Variants in NCOR1 observed in about 807,000 individuals in gnomAD.
NCOR1 encodes protein phosphatase 1, regulatory subunit 109.
In NCOR1, 63 loss-of-function variants were observed where a neutral mutation model predicts 288.1. That is an observed-to-expected ratio of 0.22 (90% CI 0.18 to 0.27). The LOEUF (loss-of-function observed/expected upper bound fraction) is 0.27. NCOR1 is among the 10% of genes least tolerant of loss of function. The pLI is 1.00. For synonymous variants in NCOR1, 1,007 were observed against 1,065.9 expected (o/e 0.94, Z 1.08); for missense variants, 2,397 against 3,019.2 (o/e 0.79, Z 4.83).
At chr17:16,147,684 C>G (rs1404556059) in intron 9 of NCOR1, among the ~76,000 whole-genome samples, 1 of 152,190 alleles carries the variant, frequency 6.6e-6, no homozygotes. Context: ...TCCCACTTCT[C>G]AATTACTCCT....
Position 16,143,713 on chromosome 17 carries a change from A to C in NCOR1, c.1083-17T>G. ...TGCCCAACTCTAAACATGAGGGAGA[A>C]ATTAAAAATATATTTAAAGACCTTA... On this transcript the variant is annotated splice_polypyrimidine_tract_variant and intron_variant, in intron 10 of 45. Coordinates refer to ENST00000268712, the MANE Select transcript of NCOR1 (RefSeq NM_006311.4). 1 of 1,573,868 alleles carries C rather than the reference A, an allele frequency of 6.4e-7. No individual in the cohort carries two copies. The highest frequency in any genetic ancestry group is 8.7e-7 in the Non-Finnish European group (1 of 1,148,822).
intron 1 of NCOR1, among the ~76,000 whole-genome samples, chr17:16,201,060 G>GA (rs544904984): frequency 5.3e-4 from 81 of 151,810 alleles, no homozygotes; most frequent in Non-Finnish European, 1.1e-3. Context: ...CCTTTGGGGG[G>GA]AAAAAAAAGC....
intron 17 of NCOR1, 75 bp from the exon 18 acceptor site, chr17:16,118,102 C>T (rs952141998): frequency 5.5e-6 from 8 of 1,462,468 alleles, no homozygotes; most frequent in Admixed American, 3.9e-5. Context: ...AATAAATTAA[C>T]TTAATCACTG....
Position 16,078,103 on chromosome 17 carries a change from G to A in NCOR1, c.3501+1861C>T, listed in dbSNP as rs563611487. On this transcript the variant is annotated intron_variant, in intron 26 of 45. Transcript: ENST00000268712. Reference sequence around the variant, plus strand: ...TCTTTTTACCCTTCCTTTAAGCAGCGAGCCCTTCCTTCAAGGAAAATTGTT... The same window carrying A: ...TCTTTTTACCCTTCCTTTAAGCAGCAAGCCCTTCCTTCAAGGAAAATTGTT... 4.6e-5 allele frequency among the ~76,000 whole-genome samples: 7 copies of A among 152,146 alleles called. No individual in the cohort carries two copies. In the East Asian group the frequency reaches 7.7e-4, roughly 17 times the overall value.
At chr17:16,045,203 A>T (rs1391277794) in intron 42 of NCOR1, among the ~76,000 whole-genome samples, 1 of 152,104 alleles carries the variant, frequency 6.6e-6, no homozygotes, top group Non-Finnish European at 1.5e-5. Context: ...TTTACCAACA[A>T]TCTGGTTAAG....
intron 37 of NCOR1, among the ~76,000 whole-genome samples, chr17:16,058,854 C>T (rs958836267): frequency 1.3e-5 from 2 of 151,758 alleles, no homozygotes; most frequent in African/African-American, 4.8e-5. Context: ...TGAGACCAGC[C>T]TGACCAACGT....
chr17:16,147,850 C>T (rs2078229352), intron 9 of NCOR1, among the ~76,000 whole-genome samples: 1 of 152,038 alleles, frequency 6.6e-6, no homozygotes, highest in Non-Finnish European at 1.5e-5. Flanking sequence ...CCAAGTTTCA[C>T]TCTTGTTGCC....
chr17:16,047,870 C>T (rs2058851293), intron 41 of NCOR1, among the ~76,000 whole-genome samples: 1 of 152,102 alleles, frequency 6.6e-6, no homozygotes. Context: ...GTGATAGGAA[C>T]AGGAATAAGA....
At chr17:16,123,292 G>C (rs2073369104) in intron 15 of NCOR1, among the ~76,000 whole-genome samples, 1 of 152,084 alleles carries the variant, frequency 6.6e-6, no homozygotes, top group African/African-American at 2.4e-5. Context: ...GTGATCTAAT[G>C]CCAAGTTTTG....
chr17:16,145,220 C>G (rs2077710408), intron 10 of NCOR1, among the ~76,000 whole-genome samples: 1 of 152,258 alleles, frequency 6.6e-6, no homozygotes, highest in African/African-American at 2.4e-5. Flanking sequence ...GCCCAGGCTG[C>G]AGTGCAGTGG....
At chr17:16,208,206 A>G (rs377178097) in intron 1 of NCOR1, among the ~76,000 whole-genome samples, 1 of 65,550 alleles carries the variant, frequency 1.5e-5, no homozygotes, top group Non-Finnish European at 2.8e-5. Flanking sequence ...ATGCCCAGCT[A>G]TTTTTTTTTT....
chr17:16,108,739 T>C (rs910105330), intron 19 of NCOR1, 47 bp downstream of exon 19: 4 of 1,513,894 alleles, frequency 2.6e-6, no homozygotes, highest in Non-Finnish European at 8.9e-7. Context: ...AAAAATTATT[T>C]ATTCTGGATA....
intron 32 of NCOR1, among the ~76,000 whole-genome samples, chr17:16,067,311 G>A (rs943665211): frequency 1.3e-5 from 2 of 152,194 alleles, no homozygotes; most frequent in Non-Finnish European, 2.9e-5. Flanking sequence ...AATGAAGAGT[G>A]GTTTCTCTGA....
At chr17:16,083,526 T>C (rs1028137146) in intron 23 of NCOR1, among the ~76,000 whole-genome samples, 1 of 151,894 alleles carries the variant, frequency 6.6e-6, no homozygotes, top group African/African-American at 2.4e-5. Flanking sequence ...CTACCTCAAA[T>C]TGATCTATAG....
intron 27 of NCOR1, 54 bp downstream of exon 27, chr17:16,075,480 A>ATG (rs372485535): frequency 1.3e-6 from 2 of 1,569,140 alleles, no homozygotes; most frequent in African/African-American, 2.7e-5. Flanking sequence ...ACCCAAGCCT[A>ATG]TGTTTTTAGC....
chr17:16,035,720 T>C (rs2151883873), intron 44 of NCOR1, among the ~76,000 whole-genome samples: 1 of 151,982 alleles, frequency 6.6e-6, no homozygotes, highest in Non-Finnish European at 1.5e-5. Context: ...TTTTAAAATT[T>C]TTGTAGAGAT....
chr17:16,118,702 T>C (rs1463821589), intron 17 of NCOR1, among the ~76,000 whole-genome samples: 1 of 152,224 alleles, frequency 6.6e-6, no homozygotes, highest in Non-Finnish European at 1.5e-5. Context: ...GTCAAGCTAT[T>C]TACAATAATT....
chr17:16,181,629 A>C (rs2085506720), intron 3 of NCOR1, among the ~76,000 whole-genome samples: 1 of 152,020 alleles, frequency 6.6e-6, no homozygotes, highest in Non-Finnish European at 1.5e-5. Context: ...AAAGTATGTG[A>C]GATGACAGAT....
intron 45 of NCOR1, 100 bp downstream of exon 45, chr17:16,034,665 G>A: frequency 9.2e-7 from 1 of 1,087,758 alleles, no homozygotes; most frequent in Non-Finnish European, 1.3e-6. Flanking sequence ...GGGAATATAG[G>A]TTTCCAAATT....
Sources: gnomAD v4.1 joint callset for allele counts (sites outside exome capture counted in the v4.1 genomes callset) on GRCh38, gnomAD v4.1.1 for gene constraint, MANE v1.5 for transcripts, NCBI Gene and HGNC (gene_info 2026-07-23, HGNC 2026-07-21) for gene names.